The following TFDP2 variants were observed in gnomAD, a reference collection of about 807,000 sequenced individuals.
The protein encoded by TFDP2 is transcription factor Dp-2 (E2F dimerization partner 2).
TFDP2 carries 17 observed loss-of-function variants against 59.3 expected under a neutral mutation model. The ratio of observed to expected loss-of-function variants is 0.29; its 90% CI spans 0.20 to 0.43. The LOEUF is 0.43. Ranked by LOEUF, TFDP2 falls within the 20% of genes least tolerant of loss-of-function variation. The pLI is 1.00. For missense variants in TFDP2, 391 were observed against 528.8 expected, an observed-to-expected ratio of 0.74 and a Z score of 2.56; for synonymous variants, 180 against 194.7, an observed-to-expected ratio of 0.92 and a Z score of 0.63.
Position 141,974,073 on chromosome 3 carries a change from G to C in TFDP2, c.638C>G (p.Ser213Cys), listed in dbSNP as rs1257379458. The change falls in exon 8 of 13, where the codon TCT (serine) becomes TGT (cysteine). Residue 213 changes from serine to cysteine, a missense_variant. By Grantham distance (112) the Ser-to-Cys change is moderately radical. Transcript: ENST00000489671. ...CTCCAGATTCTGACATTCCTGAGCA[G>C]AATTGGTAGGCAGGCCAATCCACTT... ...EIKWIGLPTN[S>C]AQECQNLEIE... 2 of 1,611,890 alleles carry C rather than the reference G, an allele frequency of 1.2e-6. No homozygotes were observed. Among genetic ancestry groups the C allele is most frequent in the Non-Finnish European group, 1.7e-6 (2 of 1,179,328 alleles).
chr3:142,059,346 T>TA (rs909132906), intron 3 of TFDP2, among the ~76,000 whole-genome samples: 45 of 151,248 alleles, frequency 3.0e-4, no homozygotes, highest in South Asian at 1.5e-3. Flanking sequence ...AGATCTGGAA[T>TA]AAAAAAAAAT....
chr3:142,090,553 C>T (rs1417758354), intron 3 of TFDP2, among the ~76,000 whole-genome samples: 1 of 149,688 alleles, frequency 6.7e-6, no homozygotes, highest in Non-Finnish European at 1.5e-5. Flanking sequence ...ATTTTTCTTT[C>T]TTTCTTTCCT....
chr3:141,953,606 C>G (rs1486953878), intron 11 of TFDP2, among the ~76,000 whole-genome samples: 2 of 152,050 alleles, frequency 1.3e-5, no homozygotes, highest in Non-Finnish European at 2.9e-5. Context: ...CTGTTGCTTT[C>G]TAATTCAAAC....
At chr3:141,963,726 T>C (rs951198050) in intron 10 of TFDP2, 86 bp downstream of exon 10, 6 of 1,479,618 alleles carry the variant, frequency 4.1e-6, no homozygotes, top group Admixed American at 2.2e-5. Flanking sequence ...GTGCAACTAA[T>C]AAAGTGCATC....
chr3:142,128,060 G>A (rs1324519100), intron 1 of TFDP2, among the ~76,000 whole-genome samples: 3 of 152,112 alleles, frequency 2.0e-5, no homozygotes, highest in Non-Finnish European at 2.9e-5. Flanking sequence ...AAAAGGCAGA[G>A]TGTAGCGGCA....
chr3:142,092,331 C>T (rs2061021758), intron 3 of TFDP2, among the ~76,000 whole-genome samples: 1 of 151,772 alleles, frequency 6.6e-6, no homozygotes, highest in African/African-American at 2.4e-5. Context: ...GGTCAGAATA[C>T]TTTTTTTTCT....
At chr3:142,072,877 T>C (rs2060294271) in intron 3 of TFDP2, among the ~76,000 whole-genome samples, 1 of 152,206 alleles carries the variant, frequency 6.6e-6, no homozygotes, top group Non-Finnish European at 1.5e-5. Flanking sequence ...TTAATTTAAC[T>C]TATGTAGAAA....
chr3:142,043,651 A>G, intron 3 of TFDP2: 1 of 939,746 alleles, frequency 1.1e-6, no homozygotes. Flanking sequence ...CTCCTTAGAC[A>G]AAGTCTTGAT....
At chr3:142,047,697 G>A (rs1387573504) in intron 3 of TFDP2, among the ~76,000 whole-genome samples, 2 of 149,548 alleles carry the variant, frequency 1.3e-5, no homozygotes, top group African/African-American at 2.5e-5. Context: ...TCACAATAAT[G>A]TGTGCTTGAT....
chr3:142,097,203 T>A (rs2061188872), intron 2 of TFDP2, among the ~76,000 whole-genome samples: 1 of 152,186 alleles, frequency 6.6e-6, no homozygotes, highest in Non-Finnish European at 1.5e-5. Flanking sequence ...ATCTGTGCAA[T>A]CTTAGCAATA....
intron 3 of TFDP2, among the ~76,000 whole-genome samples, chr3:142,012,491 T>G (rs573760287): frequency 5.9e-5 from 9 of 152,298 alleles, no homozygotes; most frequent in Non-Finnish European, 1.0e-4. Flanking sequence ...CAATTCTACA[T>G]GTCCTGGGAT....
At chr3:142,046,850 A>C (rs1947366234) in intron 3 of TFDP2, among the ~76,000 whole-genome samples, 1 of 152,132 alleles carries the variant, frequency 6.6e-6, no homozygotes, top group South Asian at 2.1e-4. Context: ...ACAGAAAATT[A>C]AGTTGGGTCC....
intron 7 of TFDP2, among the ~76,000 whole-genome samples, chr3:141,978,085 C>T (rs981600947): frequency 2.0e-5 from 3 of 151,638 alleles, no homozygotes; most frequent in African/African-American, 7.3e-5. Context: ...TGGCTCACGC[C>T]TGTAATCCCA....
chr3:142,147,568 C>T (rs368003799), intron 1 of TFDP2, among the ~76,000 whole-genome samples: 5 of 152,180 alleles, frequency 3.3e-5, no homozygotes, highest in Non-Finnish European at 5.9e-5. Context: ...AAGTATTACA[C>T]ACTGCAAAAA....
chr3:142,074,509 G>A (rs1030753346), intron 3 of TFDP2, among the ~76,000 whole-genome samples: 1 of 151,886 alleles, frequency 6.6e-6, no homozygotes, highest in Non-Finnish European at 1.5e-5. Context: ...GGCTGGAAGT[G>A]CGAGACCAAC....
intron 3 of TFDP2, among the ~76,000 whole-genome samples, chr3:142,007,641 A>G (rs1366357483): frequency 6.6e-6 from 1 of 152,156 alleles, no homozygotes; most frequent in African/African-American, 2.4e-5. Context: ...AAATCATCAC[A>G]ATGTGGAATC....
At chr3:142,125,435 A>T (rs923088986) in intron 1 of TFDP2, among the ~76,000 whole-genome samples, 1 of 152,204 alleles carries the variant, frequency 6.6e-6, no homozygotes, top group African/African-American at 2.4e-5. Flanking sequence ...CAACACAAAT[A>T]GAAATTTATA....
chr3:142,061,446 G>A (rs2059911464), intron 3 of TFDP2, among the ~76,000 whole-genome samples: 1 of 152,020 alleles, frequency 6.6e-6, no homozygotes, highest in South Asian at 2.1e-4. Flanking sequence ...CATTGTTTCT[G>A]GGTGGTCTAT....
chr3:141,989,884 A>T (rs529165220), intron 6 of TFDP2, among the ~76,000 whole-genome samples: 10,983 of 149,614 alleles, frequency 0.073, 507 homozygotes, highest in Non-Finnish European at 0.11. Flanking sequence ...CTTTAATAAT[A>T]ATAATAATAA....
Sources: gnomAD v4.1 joint callset for allele counts (sites outside exome capture counted in the v4.1 genomes callset) on GRCh38, gnomAD v4.1.1 for gene constraint, MANE v1.5 for transcripts, NCBI Gene and HGNC (gene_info 2026-07-23, HGNC 2026-07-21) for gene names.